MORC3: variants seen among roughly 807,000 people sequenced by gnomAD.
The protein encoded by MORC3 is MORC family CW-type zinc finger protein 3.
MORC3 carries 31 observed loss-of-function variants against 109.1 expected under a neutral mutation model. That is an observed-to-expected ratio of 0.28 (90% CI 0.21 to 0.38). The LOEUF is 0.38. Among genes scored for constraint, MORC3 ranks in the 10% least tolerant of loss-of-function variants. MORC3 has a pLI of 1.00. For synonymous variants in MORC3, 395 were observed against 380.7 expected (o/e 1.04, Z -0.44); for missense variants, 867 against 1,135.8 (o/e 0.76, Z 3.40).
chr21:36,345,160 G>A (rs2085493419), intron 8 of MORC3, 129 bp downstream of exon 8: 1 of 1,030,226 alleles, frequency 9.7e-7, no homozygotes, highest in Non-Finnish European at 1.4e-6. Context: ...ATGTAAATTT[G>A]TAAAAAATAA....
At chr21:36,360,285 G>A (rs1569105156) in intron 12 of MORC3, 27 bp downstream of exon 12, 4 of 1,584,092 alleles carry the variant, frequency 2.5e-6, no homozygotes, top group African/African-American at 1.3e-5. Context: ...TGTATAGTGG[G>A]TAATAATGCC....
At chr21:36,357,825 C>G (rs1420031705) in intron 10 of MORC3, among the ~76,000 whole-genome samples, 2 of 150,296 alleles carry the variant, frequency 1.3e-5, no homozygotes, top group Non-Finnish European at 3.0e-5. Flanking sequence ...ACTGCAACCT[C>G]CACCTCCCGG....
At chr21:36,329,636 T>G (rs1054281386) in intron 1 of MORC3, among the ~76,000 whole-genome samples, 2 of 152,192 alleles carry the variant, frequency 1.3e-5, no homozygotes, top group African/African-American at 2.4e-5. Context: ...ACTCTTAACA[T>G]TTAATCTGAA....
At chr21:36,324,277 A>G (rs1313163728) in intron 1 of MORC3, among the ~76,000 whole-genome samples, 2 of 148,828 alleles carry the variant, frequency 1.3e-5, no homozygotes, top group Non-Finnish European at 3.0e-5. Flanking sequence ...CATTAACTGT[A>G]GTTTTTTTTT....
chr21:36,376,446 G>A lies in MORC3; in HGVS notation c.*1150G>A, dbSNP rs1488187013. On this transcript the variant is annotated 3_prime_UTR_variant, in exon 17 of 17. Transcript: ENST00000400485. Reference sequence around the variant, plus strand: ...TTGTATGTATGCTTAATACGTGTCGGTCATATACAGTATTGAATTTTTACT... The same window carrying A: ...TTGTATGTATGCTTAATACGTGTCGATCATATACAGTATTGAATTTTTACT... The A allele has an allele frequency of 6.6e-6, 1 of 152,156 alleles. No individual in the cohort carries two copies. Among genetic ancestry groups the A allele is most frequent in the African/African-American group, 2.4e-5 (1 of 41,400 alleles). 9.4% of individuals were successfully genotyped at this position (152,156 alleles called of 1,614,324 possible).
intron 9 of MORC3, among the ~76,000 whole-genome samples, chr21:36,355,009 A>T (rs1302063175): frequency 6.6e-6 from 1 of 152,206 alleles, no homozygotes; most frequent in Non-Finnish European, 1.5e-5. Flanking sequence ...CATGCACAAC[A>T]TGTGGACATA....
chr21:36,320,382 G>C, intron 1 of MORC3, 79 bp downstream of exon 1: 1 of 1,232,682 alleles, frequency 8.1e-7, no homozygotes, highest in East Asian at 3.2e-5. Flanking sequence ...GCAGTGGGCG[G>C]TGGCGGCTTG....
chr21:36,370,892 C>G (rs1346078016), intron 15 of MORC3, among the ~76,000 whole-genome samples: 1 of 151,872 alleles, frequency 6.6e-6, no homozygotes, highest in Non-Finnish European at 1.5e-5. Context: ...TGATCTCAAA[C>G]TCCTGACATC....
chr21:36,359,875 G>A, intron 10 of MORC3, 80 bp from the exon 11 acceptor site: 1 of 1,548,482 alleles, frequency 6.5e-7, no homozygotes, highest in Non-Finnish European at 8.9e-7. Flanking sequence ...GCATCTTGTG[G>A]TAGAAATGAT....
intron 6 of MORC3, 40 bp downstream of exon 6, chr21:36,341,586 T>C (rs1447143807): frequency 6.2e-7 from 1 of 1,612,124 alleles, no homozygotes; most frequent in Non-Finnish European, 8.5e-7. Context: ...AGAAAATCAT[T>C]GAATGCTGGT....
chr21:36,372,275 A>G (rs899587669), intron 15 of MORC3, 99 bp from the exon 16 acceptor site: 2 of 1,039,326 alleles, frequency 1.9e-6, no homozygotes, highest in Non-Finnish European at 2.7e-6. Context: ...GATAGTTGAT[A>G]ATGTTATCAA....
intron 5 of MORC3, among the ~76,000 whole-genome samples, chr21:36,340,545 A>G (rs952361437): frequency 1.5e-4 from 23 of 151,390 alleles, no homozygotes; most frequent in African/African-American, 5.3e-4. Context: ...TTCACTTAGC[A>G]TAACTCCTGG....
intron 15 of MORC3, among the ~76,000 whole-genome samples, chr21:36,371,987 A>G (rs2085874716): frequency 6.6e-6 from 1 of 151,686 alleles, no homozygotes; most frequent in Non-Finnish European, 1.5e-5. Flanking sequence ...CTAATTTTGT[A>G]TTTTTTGTAG....
At chr21:36,322,421 G>T (rs1047557151) in intron 1 of MORC3, among the ~76,000 whole-genome samples, 5 of 151,974 alleles carry the variant, frequency 3.3e-5, no homozygotes, top group African/African-American at 1.2e-4. Context: ...CTCCAGGCTG[G>T]AGTGCAGTGG....
At chr21:36,334,586 C>T (rs1232813560) in intron 2 of MORC3, among the ~76,000 whole-genome samples, 2 of 152,070 alleles carry the variant, frequency 1.3e-5, no homozygotes, top group Non-Finnish European at 2.9e-5. Context: ...AAGTGTGCAC[C>T]ACAGTGACTG....
chr21:36,333,765 G>GT (rs1220757167), intron 2 of MORC3, 47 bp downstream of exon 2: 9 of 1,216,036 alleles, frequency 7.4e-6, no homozygotes, highest in African/African-American at 3.3e-5. Flanking sequence ...TACAATTGTA[G>GT]TGTTTTTTTT....
chr21:36,347,931 A>G (rs941817394), intron 8 of MORC3: 5 of 152,208 alleles, frequency 3.3e-5, no homozygotes, highest in African/African-American at 1.2e-4. Flanking sequence ...AAATTGAAGG[A>G]TATTGTTATT....
At chr21:36,320,366 G>C in intron 1 of MORC3, 63 bp downstream of exon 1, 1 of 1,318,346 alleles carries the variant, frequency 7.6e-7, no homozygotes, top group Non-Finnish European at 9.7e-7. Context: ...AAGCGAAGGG[G>C]GGCCGGCAGT....
intron 15 of MORC3, among the ~76,000 whole-genome samples, chr21:36,370,633 A>ATTTT (rs2085848041): frequency 8.6e-5 from 4 of 46,476 alleles, no homozygotes; most frequent in Admixed American, 3.5e-4. Context: ...ATATATATAT[A>ATTTT]TATATATTTT....
Sources: allele counts gnomAD v4.1 joint callset (sites outside exome capture counted in the v4.1 genomes callset), GRCh38; gene constraint gnomAD v4.1.1; transcripts MANE v1.5; gene names NCBI Gene and HGNC (gene_info 2026-07-23, HGNC 2026-07-21).